CA13: variants seen among roughly 807,000 people sequenced by gnomAD.
The protein encoded by CA13 is carbonic anhydrase 13, also known as CA-XIII.
In CA13, 21 loss-of-function variants were observed where a neutral mutation model predicts 31.5. That is an observed-to-expected ratio of 0.67 (90% CI 0.47 to 0.96). The LOEUF is 0.96. CA13 is among the 40% of genes least tolerant of loss of function. The pLI is 0.00. For missense variants in CA13, 315 were observed against 318.9 expected (o/e 0.99, Z 0.09); for synonymous variants, 117 against 111.4 (o/e 1.05, Z -0.32).
chr8:85,270,092 G>A (rs2129991792), intron 6 of CA13, among the ~76,000 whole-genome samples: 1 of 152,274 alleles, frequency 6.6e-6, no homozygotes, highest in South Asian at 2.1e-4. Flanking sequence ...CAATCTGATG[G>A]GTGGATGCTG....
intron 3 of CA13, among the ~76,000 whole-genome samples, chr8:85,264,268 A>G (rs1807425883): frequency 6.6e-6 from 1 of 152,184 alleles, no homozygotes; most frequent in African/African-American, 2.4e-5. Flanking sequence ...TTGGCAGTAT[A>G]TTTTGCATAC....
At chr8:85,270,142 T>G (rs1027505284) in intron 6 of CA13, among the ~76,000 whole-genome samples, 1 of 152,246 alleles carries the variant, frequency 6.6e-6, no homozygotes, top group African/African-American at 2.4e-5. Flanking sequence ...GGTTTTGTTT[T>G]TGTTGTTCTT....
Position 85,272,329 on chromosome 8 carries a change from C to T in CA13, c.669+3702C>T, listed in dbSNP as rs560490895. On this transcript the variant is annotated intron_variant, in intron 6 of 6. Coordinates refer to ENST00000321764, the MANE Select transcript of CA13 (RefSeq NM_198584.3). ...GGAGTGGAGTGGCGAGATCTTGGCT[C>T]ACCACAACCTCTGCCTCCCAGGTTC... 6.6e-5 allele frequency among the ~76,000 whole-genome samples: 10 copies of T among 152,156 alleles called. No individual in the cohort carries two copies. The East Asian group carries it at 1.7e-3, about 27-fold the overall frequency.
intron 2 of CA13, among the ~76,000 whole-genome samples, chr8:85,257,618 C>T (rs556777158): frequency 3.3e-5 from 5 of 151,254 alleles, no homozygotes; most frequent in South Asian, 4.2e-4. Flanking sequence ...CAGCCCCAGC[C>T]GCTAGGGAGG....
chr8:85,254,712 T>C (rs1807258009), intron 2 of CA13, among the ~76,000 whole-genome samples: 1 of 151,874 alleles, frequency 6.6e-6, no homozygotes, highest in South Asian at 2.1e-4. Context: ...AAAGAGATTG[T>C]TTCATGGTGA....
At chr8:85,264,124 C>G (rs1187184456) in intron 3 of CA13, among the ~76,000 whole-genome samples, 1 of 152,132 alleles carries the variant, frequency 6.6e-6, no homozygotes, top group African/African-American at 2.4e-5. Context: ...GTCTACAAAA[C>G]TAGGCTAATC....
At chr8:85,256,123 C>G (rs188089083) in intron 2 of CA13, among the ~76,000 whole-genome samples, 1 of 151,938 alleles carries the variant, frequency 6.6e-6, no homozygotes, top group Non-Finnish European at 1.5e-5. Flanking sequence ...GATTAACTCT[C>G]GATAAAATTA....
chr8:85,261,721 C>T lies in CA13; in HGVS notation c.354+2182C>T, dbSNP rs1056490317. 5.3e-5 allele frequency among the ~76,000 whole-genome samples: 8 copies of T among 152,032 alleles called. No homozygotes were observed. The South Asian group carries it at 6.2e-4, about 12-fold the overall frequency. ...GATTACAGGCGTGAGCCACCGCGCC[C>T]GGCCAGTGTATATATATATATATGT... On this transcript the variant is annotated intron_variant, in intron 3 of 6. Transcript: ENST00000321764.
chr8:85,267,354 T>G (rs1254038542), intron 4 of CA13: 1 of 883,284 alleles, frequency 1.1e-6, no homozygotes, highest in African/African-American at 1.8e-5. Flanking sequence ...CTTTAAAACC[T>G]TCAGGTAGAT....
intron 2 of CA13, among the ~76,000 whole-genome samples, chr8:85,254,601 G>C (rs1397175246): frequency 6.6e-6 from 1 of 151,878 alleles, no homozygotes; most frequent in Admixed American, 6.6e-5. Flanking sequence ...AAATTACCAG[G>C]ATTAATTGAA....
intron 6 of CA13, among the ~76,000 whole-genome samples, chr8:85,273,420 A>G (rs1807553895): frequency 6.6e-6 from 1 of 152,108 alleles, no homozygotes; most frequent in South Asian, 2.1e-4. Context: ...TATAGTCTGG[A>G]TAACAGCTCT....
At chr8:85,257,115 G>A (rs2129963147) in intron 2 of CA13, among the ~76,000 whole-genome samples, 1 of 152,290 alleles carries the variant, frequency 6.6e-6, no homozygotes, top group Non-Finnish European at 1.5e-5. Flanking sequence ...CTAGTCCTAA[G>A]AACTTAGTTT....
chr8:85,255,368 T>A (rs2129959302), intron 2 of CA13, among the ~76,000 whole-genome samples: 1 of 152,102 alleles, frequency 6.6e-6, no homozygotes, highest in South Asian at 2.1e-4. Context: ...GTTCAAGTGA[T>A]TCTTCCACCT....
At chr8:85,280,891 T>C (rs986875413) in intron 6 of CA13, among the ~76,000 whole-genome samples, 9 of 152,162 alleles carry the variant, frequency 5.9e-5, no homozygotes, top group Non-Finnish European at 8.8e-5. Flanking sequence ...TGTCATAAAA[T>C]GTATGTATGT....
chr8:85,276,801 CTG>C (rs928208627), intron 6 of CA13, among the ~76,000 whole-genome samples: 1 of 152,038 alleles, frequency 6.6e-6, no homozygotes, highest in Non-Finnish European at 1.5e-5. Context: ...AGTCGACACT[CTG>C]TATCTAGCTA....
At chr8:85,265,370 T>C (rs1384306972) in intron 3 of CA13, among the ~76,000 whole-genome samples, 2 of 152,354 alleles carry the variant, frequency 1.3e-5, no homozygotes, top group Non-Finnish European at 2.9e-5. Flanking sequence ...AAAGTGGTTT[T>C]CTCCTTTATC....
rs953043472 is a variant in CA13 at position 85,282,010 on chromosome 8, C to G, written c.*661C>G. ...CATAGAGACTGAATTAGTCACAGCT[C>G]TCAGTGATGTTAGATGGAAACTTAT... On this transcript the variant is annotated 3_prime_UTR_variant, in exon 7 of 7. Transcript: ENST00000321764. 3 of 152,136 alleles carry G rather than the reference C, an allele frequency of 2.0e-5. No homozygotes were observed. The highest frequency in any genetic ancestry group is 2.9e-5 in the Non-Finnish European group (2 of 68,046). The allele number at this position is 152,136 out of a possible 1,614,324, so 9.4% of individuals were successfully genotyped here. A position where few individuals can be genotyped will look rare whatever the true frequency, so the allele number is the denominator to read the frequency against.
intron 6 of CA13, among the ~76,000 whole-genome samples, chr8:85,275,996 G>C (rs753637331): frequency 6.6e-6 from 1 of 152,230 alleles, no homozygotes; most frequent in Non-Finnish European, 1.5e-5. Context: ...CCGCTGCACT[G>C]TGGGGGCCCC....
Position 85,281,519 on chromosome 8 carries a change from TTA to T in CA13, c.*172_*173del. On this transcript the variant is annotated 3_prime_UTR_variant, in exon 7 of 7. Coordinates refer to ENST00000321764, the MANE Select transcript of CA13 (RefSeq NM_198584.3). ...AACCAGATCTCTCTCTCTTTTTTTTTTATTTTTTTTAGTGATAGAGTCTCACT... is the reference window on the plus strand; with the variant it reads ...AACCAGATCTCTCTCTCTTTTTTTTTTTTTTTTTAGTGATAGAGTCTCACT... 4 of 1,330,406 alleles carry T rather than the reference TTA, an allele frequency of 3.0e-6. No individual in the cohort carries two copies. The highest frequency in any genetic ancestry group is 3.9e-6 in the Non-Finnish European group (4 of 1,033,298). 82.4% of individuals were successfully genotyped at this position (1,330,406 alleles called of 1,614,324 possible). A position where few individuals can be genotyped will look rare whatever the true frequency, so the allele number is the denominator to read the frequency against.
Sources: gnomAD v4.1 joint callset for allele counts (sites outside exome capture counted in the v4.1 genomes callset) on GRCh38, gnomAD v4.1.1 for gene constraint, MANE v1.5 for transcripts, NCBI Gene and HGNC (gene_info 2026-07-23, HGNC 2026-07-21) for gene names.